Variants in ARFIP1 observed in about 807,000 individuals in gnomAD.
ARFIP1 encodes arfaptin-1.
A neutral mutation model predicts 42.5 loss-of-function variants in ARFIP1; 24 were observed. The ratio of observed to expected loss-of-function variants is 0.57; its 90% CI spans 0.41 to 0.80. ARFIP1 has a LOEUF of 0.80. Ranked by LOEUF, ARFIP1 falls within the 30% of genes least tolerant of loss-of-function variation. The pLI is 0.00. For synonymous variants in ARFIP1, 141 were observed against 153.7 expected (o/e 0.92, Z 0.61); for missense variants, 354 against 434.0 (o/e 0.82, Z 1.64).
chr4:152,784,206 A>G (rs1038200799), intron 1 of ARFIP1, among the ~76,000 whole-genome samples: 1 of 152,240 alleles, frequency 6.6e-6, no homozygotes, highest in African/African-American at 2.4e-5. Context: ...TAAAAGTCAG[A>G]TATGTAGCAC....
chr4:152,885,337 T>C (rs1170579645), intron 7 of ARFIP1, among the ~76,000 whole-genome samples: 1 of 152,074 alleles, frequency 6.6e-6, no homozygotes, highest in Non-Finnish European at 1.5e-5. Context: ...AAGTATTTCC[T>C]AGCCCTCTGG....
chr4:152,867,258 C>CT (rs1734480807), intron 3 of ARFIP1, among the ~76,000 whole-genome samples: 1 of 152,188 alleles, frequency 6.6e-6, no homozygotes, highest in South Asian at 2.1e-4. Context: ...CCTCGGGAGG[C>CT]TGAGGCTGGC....
intron 1 of ARFIP1, chr4:152,810,260 G>A (rs1729342415): frequency 6.6e-6 from 1 of 152,294 alleles, no homozygotes; most frequent in African/African-American, 2.4e-5. Flanking sequence ...GGCTTGTACT[G>A]CCTGCAAAAG....
At chr4:152,872,587 C>A in intron 5 of ARFIP1, 23 bp downstream of exon 5, 1 of 1,410,062 alleles carries the variant, frequency 7.1e-7, no homozygotes, top group South Asian at 1.3e-5. Flanking sequence ...TTAATGTTTC[C>A]ACCCTAAATG....
intron 8 of ARFIP1, among the ~76,000 whole-genome samples, chr4:152,892,047 A>C (rs975401133): frequency 6.6e-6 from 1 of 151,734 alleles, no homozygotes; most frequent in Non-Finnish European, 1.5e-5. Context: ...TACTTTTCCT[A>C]TTTCTTCCCC....
chr4:152,818,025 C>A (rs1346322693), intron 1 of ARFIP1, among the ~76,000 whole-genome samples: 2 of 152,178 alleles, frequency 1.3e-5, no homozygotes, highest in Non-Finnish European at 2.9e-5. Context: ...AATGATGCAG[C>A]TGCTATGGAA....
intron 1 of ARFIP1, among the ~76,000 whole-genome samples, chr4:152,826,919 T>C (rs1441054735): frequency 6.6e-6 from 1 of 152,150 alleles, no homozygotes; most frequent in Non-Finnish European, 1.5e-5. Context: ...TTAAGTGAAA[T>C]AGCCAATCAC....
At chr4:152,781,363 G>A (rs563605340) in intron 1 of ARFIP1, among the ~76,000 whole-genome samples, 1 of 151,184 alleles carries the variant, frequency 6.6e-6, no homozygotes, top group Admixed American at 6.6e-5. Flanking sequence ...AGCCTTCTGA[G>A]TAGCTGGGTT....
chr4:152,861,941 G>C (rs549431664), intron 2 of ARFIP1, among the ~76,000 whole-genome samples: 7 of 152,012 alleles, frequency 4.6e-5, no homozygotes, highest in Non-Finnish European at 8.8e-5. Context: ...CTTGAGATAC[G>C]GTGGTATCTT....
chr4:152,885,013 A>T (rs1395135685), intron 7 of ARFIP1, among the ~76,000 whole-genome samples: 1 of 152,018 alleles, frequency 6.6e-6, no homozygotes, highest in Non-Finnish European at 1.5e-5. Flanking sequence ...GTCATCCCGT[A>T]ATTTATCCTT....
At chr4:152,805,472 C>G (rs1728929884) in intron 1 of ARFIP1, among the ~76,000 whole-genome samples, 2 of 152,216 alleles carry the variant, frequency 1.3e-5, no homozygotes, top group African/African-American at 4.8e-5. Context: ...CTGCCAATAC[C>G]TGTAGCTCTG....
intron 2 of ARFIP1, among the ~76,000 whole-genome samples, chr4:152,838,408 TGGG>T (rs1731821726): frequency 6.6e-6 from 1 of 152,252 alleles, no homozygotes; most frequent in Non-Finnish European, 1.5e-5. Flanking sequence ...TCCATGAGTA[TGGG>T]ATGTGTTTCC....
Position 152,840,743 on chromosome 4 carries a change from C to T in ARFIP1, c.93+11017C>T, listed in dbSNP as rs577513009. The stretch of plus-strand genomic sequence containing the variant: ...TTTTTTTTTTTTTTTTTTGAGACAG[C>T]GTCTCGCTCTTGTTGCCCAGGGTGG... On this transcript the variant is annotated intron_variant, in intron 2 of 8. Coordinates refer to ENST00000353617, the MANE Select transcript of ARFIP1 (RefSeq NM_001025595.3). 3.9e-5 allele frequency among the ~76,000 whole-genome samples: 5 copies of T among 129,852 alleles called. No homozygotes were observed. The South Asian group carries it at 9.5e-4, about 25-fold the overall frequency. 85.2% of individuals were successfully genotyped at this position (129,852 alleles called of 152,430 possible).
At chr4:152,871,891 T>C (rs1415148896) in intron 4 of ARFIP1, among the ~76,000 whole-genome samples, 3 of 152,052 alleles carry the variant, frequency 2.0e-5, no homozygotes, top group African/African-American at 4.8e-5. Flanking sequence ...ACAATATAGA[T>C]CTTGTTTCAA....
chr4:152,911,207 G>A lies in ARFIP1; in HGVS notation c.*988G>A, dbSNP rs983148973. 3 of 152,634 alleles carry A rather than the reference G, an allele frequency of 2.0e-5. No homozygotes were observed. Among genetic ancestry groups the A allele is most frequent in the Non-Finnish European group, 4.4e-5 (3 of 68,020 alleles). The allele number at this position is 152,634 out of a possible 1,614,324, so 9.5% of individuals were successfully genotyped here. ...AAACCCCTGTTGGATAATGTTTGATGTGTCTATTCCTTCCATGGAATGGAG... is the reference window on the plus strand; with the variant it reads ...AAACCCCTGTTGGATAATGTTTGATATGTCTATTCCTTCCATGGAATGGAG... On this transcript the variant is annotated 3_prime_UTR_variant, in exon 9 of 9. Transcript: ENST00000353617.
intron 2 of ARFIP1, among the ~76,000 whole-genome samples, chr4:152,851,554 A>C (rs1345520946): frequency 6.6e-6 from 1 of 152,228 alleles, no homozygotes; most frequent in African/African-American, 2.4e-5. Context: ...TGAAGAGTTT[A>C]GTCTTTACCT....
chr4:152,871,905 A>G (rs550455675), intron 4 of ARFIP1, among the ~76,000 whole-genome samples: 1 of 152,192 alleles, frequency 6.6e-6, no homozygotes, highest in Non-Finnish European at 1.5e-5. Context: ...GTTTCAACCC[A>G]GCCTTTCATA....
intron 1 of ARFIP1, among the ~76,000 whole-genome samples, chr4:152,821,810 C>G (rs6839436): frequency 0.013 from 1,963 of 152,172 alleles, 43 homozygotes; most frequent in African/African-American, 0.044. Flanking sequence ...CCTTATAAGC[C>G]AGAAGGGATT....
intron 2 of ARFIP1, among the ~76,000 whole-genome samples, chr4:152,852,093 T>C (rs1165350929): frequency 6.6e-6 from 1 of 152,236 alleles, no homozygotes; most frequent in Non-Finnish European, 1.5e-5. Context: ...AAAGCTTGAA[T>C]AAAAGGTTAA....
Sources: allele counts gnomAD v4.1 joint callset (sites outside exome capture counted in the v4.1 genomes callset), GRCh38; gene constraint gnomAD v4.1.1; transcripts MANE v1.5; gene names NCBI Gene and HGNC (gene_info 2026-07-23, HGNC 2026-07-21).